Variants in LRRC37A3 observed in about 807,000 individuals in gnomAD.
LRRC37A3 encodes the protein leucine-rich repeat-containing protein 37A3.
In LRRC37A3, 25 loss-of-function variants were observed where a neutral mutation model predicts 106.2. That is an observed-to-expected ratio of 0.24 (90% CI 0.17 to 0.33). LRRC37A3 has a LOEUF of 0.33. Among genes scored for constraint, LRRC37A3 ranks in the 10% least tolerant of loss-of-function variants. The pLI, the probability that LRRC37A3 is intolerant of heterozygous loss-of-function variation, is 1.00. For missense variants in LRRC37A3, 712 were observed against 1,644.9 expected, an observed-to-expected ratio of 0.43 and a Z score of 9.81; for synonymous variants, 305 against 635.8, an observed-to-expected ratio of 0.48 and a Z score of 7.83.
chr17:64,868,240 G>T (rs1339587461), intron 10 of LRRC37A3, among the ~76,000 whole-genome samples: 1 of 152,160 alleles, frequency 6.6e-6, no homozygotes, highest in African/African-American at 2.4e-5. Flanking sequence ...TGCCTACAAA[G>T]GGACAGGAGG....
chr17:64,917,189 T>C (rs1974723236), intron 2 of LRRC37A3, among the ~76,000 whole-genome samples: 1 of 131,966 alleles, frequency 7.6e-6, no homozygotes, highest in African/African-American at 3.0e-5. Flanking sequence ...GAGCTTGCAG[T>C]GAGCCGAGAT....
At chr17:64,904,379 G>A (rs1188244244) in intron 2 of LRRC37A3, among the ~76,000 whole-genome samples, 1 of 152,218 alleles carries the variant, frequency 6.6e-6, no homozygotes, top group African/African-American at 2.4e-5. Context: ...GGAGGCTAAG[G>A]TGGGAGGATC....
intron 2 of LRRC37A3, among the ~76,000 whole-genome samples, chr17:64,903,690 C>T (rs1445790485): frequency 2.0e-5 from 3 of 151,860 alleles, no homozygotes; most frequent in Admixed American, 6.6e-5. Context: ...AAAGCCTACT[C>T]CCCTCCATTA....
At chr17:64,866,872 C>A (rs1973132432) in intron 10 of LRRC37A3, among the ~76,000 whole-genome samples, 1 of 148,366 alleles carries the variant, frequency 6.7e-6, no homozygotes, top group Non-Finnish European at 1.5e-5. Flanking sequence ...AATCTCAGCA[C>A]TCTGGGAGGT....
Position 64,859,903 on chromosome 17 carries a change from C to T in LRRC37A3, c.4243G>A (p.Glu1415Lys), listed in dbSNP as rs1214206551. Residue 1415 changes from glutamate (E) to lysine (K), a missense_variant, in exon 12 of 15, where the codon GAA becomes AAA. Coordinates refer to ENST00000584306, the MANE Select transcript of LRRC37A3 (RefSeq NM_199340.5). Reference sequence around the variant, plus strand: ...GGAGGATGATTGTAGTTTGTGTTTTCAGAGATGGTTCCTTCTGGCATGTTA... The same window carrying T: ...GGAGGATGATTGTAGTTTGTGTTTTTAGAGATGGTTCCTTCTGGCATGTTA... ...NTNMPEGTIS[E>K]NTNYNHPPEA... 7.4e-6 allele frequency: 12 copies of T among 1,613,496 alleles called. No individual in the cohort carries two copies. Among genetic ancestry groups the T allele is most frequent in the African/African-American group, 2.7e-5 (2 of 74,854 alleles).
At position 64,869,314 on chromosome 17, in the gene LRRC37A3, C is replaced by T. The variant is rs143751047; in HGVS notation, c.2907-148G>A. 6,062 of 1,352,718 alleles carry T rather than the reference C, an allele frequency of 4.5e-3. 220 individuals are homozygous for T. In the African/African-American group the frequency reaches 0.08, roughly 18 times the overall value. The allele number at this position is 1,352,718 out of a possible 1,614,324, so 83.8% of individuals were successfully genotyped here. A position where few individuals can be genotyped will look rare whatever the true frequency, so the allele number is the denominator to read the frequency against. On this transcript the variant is annotated intron_variant, in intron 8 of 14. Coordinates refer to ENST00000584306, the MANE Select transcript of LRRC37A3 (RefSeq NM_199340.5). ...TACCTAAGAAATCACCATTAGACTC[C>T]GTAAAGCACTATTCCTATGGGAACT...
At chr17:64,917,030 G>T (rs1481017332) in intron 2 of LRRC37A3, among the ~76,000 whole-genome samples, 4 of 151,564 alleles carry the variant, frequency 2.6e-5, no homozygotes, top group Admixed American at 6.6e-5. Context: ...CAGATCACGA[G>T]GTCAGGATAT....
chr17:64,883,504 C>T (rs1440843965), intron 8 of LRRC37A3, among the ~76,000 whole-genome samples: 1 of 151,956 alleles, frequency 6.6e-6, no homozygotes, highest in East Asian at 1.9e-4. Context: ...CTCCCAGGAC[C>T]TTGGAAGGGC....
chr17:64,868,828 T>C (rs1055879847), intron 9 of LRRC37A3, among the ~76,000 whole-genome samples: 1 of 152,176 alleles, frequency 6.6e-6, no homozygotes, highest in Non-Finnish European at 1.5e-5. Flanking sequence ...CCTTTTCCCC[T>C]TTGCTTTCTT....
Position 64,855,898 on chromosome 17 carries a change from G to A in LRRC37A3, c.4810-9C>T, listed in dbSNP as rs763019220. 6.2e-7 allele frequency: 1 copy of A among 1,611,740 alleles called. No homozygotes were observed. The highest frequency in any genetic ancestry group is 1.7e-5 in the Admixed American group (1 of 59,996). On this transcript the variant is annotated splice_polypyrimidine_tract_variant and intron_variant, in intron 13 of 14. Coordinates refer to ENST00000584306, the MANE Select transcript of LRRC37A3 (RefSeq NM_199340.5). ...CTTCGGTGACAACAGATCTGTTTTA[G>A]AAGAAAACGCAATTAAGATTATCTA...
At chr17:64,873,163 T>C (rs1029847230) in intron 8 of LRRC37A3, among the ~76,000 whole-genome samples, 2 of 149,798 alleles carry the variant, frequency 1.3e-5, no homozygotes, top group Non-Finnish European at 3.0e-5. Context: ...GCAGCATGGA[T>C]CTGATTTTCA....
intron 13 of LRRC37A3, among the ~76,000 whole-genome samples, chr17:64,856,587 A>G (rs1972686408): frequency 6.6e-6 from 1 of 151,094 alleles, no homozygotes; most frequent in Non-Finnish European, 1.5e-5. Context: ...TTTTTTCTTC[A>G]AATATTCAGC....
intron 13 of LRRC37A3, among the ~76,000 whole-genome samples, chr17:64,856,152 G>A (rs1234859202): frequency 6.6e-6 from 1 of 152,072 alleles, no homozygotes; most frequent in Non-Finnish European, 1.5e-5. Context: ...ACATAATGGT[G>A]TAGTATTTGC....
In LRRC37A3 at chr17:64,868,951, T is replaced by G. The variant is rs1052389086; in HGVS notation, c.2978+144A>C. On this transcript the variant is annotated intron_variant, in intron 9 of 14. Transcript: ENST00000584306. ...ACCATTATACATCCTCTTAATTTTT[T>G]TCTTCGCCAATAACTTTTTTTCAAT... The G allele has an allele frequency of 2.1e-6, 3 of 1,462,430 alleles. No individual in the cohort carries two copies. In the African/African-American group the frequency reaches 4.3e-5, roughly 21 times the overall value. The allele number at this position is 1,462,430 out of a possible 1,614,324, so 90.6% of individuals were successfully genotyped here.
chr17:64,917,245 C>CAAAA (rs1283286984), intron 2 of LRRC37A3, among the ~76,000 whole-genome samples: 2 of 28,382 alleles, frequency 7.0e-5, no homozygotes, highest in African/African-American at 1.5e-4. Flanking sequence ...GACTCCATCT[C>CAAAA]AAAAAAAAAA....
intron 8 of LRRC37A3, among the ~76,000 whole-genome samples, chr17:64,875,873 T>C (rs969031207): frequency 1.7e-4 from 26 of 151,946 alleles, no homozygotes; most frequent in African/African-American, 6.0e-4. Flanking sequence ...TATATAAAGA[T>C]GTAATGTGTG....
At chr17:64,875,308 G>A (rs1484349257) in intron 8 of LRRC37A3, among the ~76,000 whole-genome samples, 8 of 152,036 alleles carry the variant, frequency 5.3e-5, no homozygotes, top group Non-Finnish European at 8.8e-5. Flanking sequence ...CAACAGTGGA[G>A]GACAAAAGGC....
At chr17:64,858,187 G>C (rs1420710661) in intron 13 of LRRC37A3, among the ~76,000 whole-genome samples, 1 of 152,212 alleles carries the variant, frequency 6.6e-6, no homozygotes, top group Non-Finnish European at 1.5e-5. Context: ...GCTCAGGAGG[G>C]CTAGAGTATG....
At chr17:64,916,851 T>C (rs1974713392) in intron 2 of LRRC37A3, among the ~76,000 whole-genome samples, 1 of 147,652 alleles carries the variant, frequency 6.8e-6, no homozygotes, top group African/African-American at 2.5e-5. Context: ...AATCAAAAGA[T>C]GCACATAAAA....
Sources: allele counts gnomAD v4.1 joint callset (sites outside exome capture counted in the v4.1 genomes callset), GRCh38; gene constraint gnomAD v4.1.1; transcripts MANE v1.5; gene names NCBI Gene and HGNC (gene_info 2026-07-23, HGNC 2026-07-21).